Variants in PDZRN3 observed in about 807,000 individuals in gnomAD.
The protein encoded by PDZRN3 is PDZ domain containing ring finger 3.
A neutral mutation model predicts 85.7 loss-of-function variants in PDZRN3; 38 were observed. That is an observed-to-expected ratio of 0.44 (90% CI 0.34 to 0.58). The LOEUF is 0.58. PDZRN3 is among the 20% of genes least tolerant of loss of function. The probability of loss-of-function intolerance (pLI) is 0.01; values close to 1 mark genes in which losing one functional copy is unlikely to be tolerated. For missense variants in PDZRN3, 1,629 were observed against 1,506.4 expected (o/e 1.08, Z -1.35); for synonymous variants, 759 against 638.0 (o/e 1.19, Z -2.86).
chr3:73,476,910 T>A (rs188423541), intron 3 of PDZRN3, among the ~76,000 whole-genome samples: 1 of 152,316 alleles, frequency 6.6e-6, no homozygotes, highest in East Asian at 1.9e-4. Context: ...CAGCTAAGTG[T>A]CTTCCAGGTT....
At chr3:73,419,226 G>A in intron 3 of PDZRN3, among the ~76,000 whole-genome samples, 1 of 152,326 alleles carries the variant, frequency 6.6e-6, no homozygotes, top group Admixed American at 6.5e-5. Context: ...TTTTCAGAGA[G>A]AGAGAGGGGA....
chr3:73,492,174 G>C lies in PDZRN3; in HGVS notation c.919-87779C>G, dbSNP rs1436377152. 2.6e-5 allele frequency among the ~76,000 whole-genome samples: 4 copies of C among 152,126 alleles called. No individual in the cohort carries two copies. The East Asian group carries it at 7.7e-4, about 29-fold the overall frequency. On this transcript the variant is annotated intron_variant, in intron 3 of 9. Transcript: ENST00000263666. ...CAGGCCCCCAAACCAATTTCAAGGGGCCTCTGAAATTTCTAAATTGGTTTC... is the reference window on the plus strand; with the variant it reads ...CAGGCCCCCAAACCAATTTCAAGGGCCCTCTGAAATTTCTAAATTGGTTTC...
At chr3:73,553,775 A>C (rs537949753) in intron 3 of PDZRN3, among the ~76,000 whole-genome samples, 1 of 152,276 alleles carries the variant, frequency 6.6e-6, no homozygotes, top group Admixed American at 6.5e-5. Context: ...CCAAGGTGAC[A>C]GGGAGTACCT....
At chr3:73,469,489 G>C (rs915035886) in intron 3 of PDZRN3, among the ~76,000 whole-genome samples, 1 of 152,184 alleles carries the variant, frequency 6.6e-6, no homozygotes, top group African/African-American at 2.4e-5. Context: ...GCATGCTCTT[G>C]GGGATGGCTC....
At chr3:73,460,174 C>T (rs1219224335) in intron 3 of PDZRN3, among the ~76,000 whole-genome samples, 1 of 152,014 alleles carries the variant, frequency 6.6e-6, no homozygotes, top group African/African-American at 2.4e-5. Flanking sequence ...TTCTAAGCAA[C>T]TAAAAGTTTG....
intron 3 of PDZRN3, among the ~76,000 whole-genome samples, chr3:73,562,318 A>G (rs1701835905): frequency 4.6e-5 from 7 of 152,172 alleles, no homozygotes; most frequent in Admixed American, 4.6e-4. Flanking sequence ...TGTAATATAG[A>G]TAGTGTTTTG....
At chr3:73,446,533 G>C (rs1702751376) in intron 3 of PDZRN3, among the ~76,000 whole-genome samples, 1 of 152,064 alleles carries the variant, frequency 6.6e-6, no homozygotes, top group Non-Finnish European at 1.5e-5. Flanking sequence ...ACAAAAACCT[G>C]AAAAAATTAT....
Position 73,471,300 on chromosome 3 carries a change from T to TC in PDZRN3, c.919-66906dup, listed in dbSNP as rs144927540. Among the ~76,000 whole-genome samples, 1,171 of 149,934 alleles carry TC rather than the reference T, an allele frequency of 7.8e-3. 12 individuals are homozygous for TC. Among genetic ancestry groups the TC allele is most frequent in the African/African-American group, 0.026 (1,066 of 40,732 alleles). ...GCAGCTAGGAAGAAGCAAAAAAAGG[T>TC]CCCCCCCCAGGTTTCACAAGGAACG... is the stretch of plus-strand genomic sequence containing the variant. On this transcript the variant is annotated intron_variant, in intron 3 of 9. Coordinates refer to ENST00000263666, the MANE Select transcript of PDZRN3 (RefSeq NM_015009.3).
chr3:73,542,269 C>T (rs1471946560), intron 3 of PDZRN3, among the ~76,000 whole-genome samples: 1 of 152,128 alleles, frequency 6.6e-6, no homozygotes, highest in Admixed American at 6.5e-5. Flanking sequence ...CAGAAAGCAA[C>T]AGGTAACCAG....
intron 3 of PDZRN3, among the ~76,000 whole-genome samples, chr3:73,483,857 T>C (rs1264989080): frequency 6.6e-6 from 1 of 152,168 alleles, no homozygotes; most frequent in East Asian, 1.9e-4. Flanking sequence ...AAAAAGGCTG[T>C]GAAGGGCCTT....
chr3:73,423,928 C>T lies in PDZRN3; in HGVS notation c.919-19533G>A, dbSNP rs916469609. ...AATGTTACAATGAATGCCTGTTAAA[C>T]CTACCAACCACAGAGGGAAACTGGC... On this transcript the variant is annotated intron_variant, in intron 3 of 9. Transcript: ENST00000263666. Among the ~76,000 whole-genome samples the T allele has an allele frequency of 1.2e-4, 18 of 152,200 alleles. No homozygotes were observed. In the East Asian group the frequency reaches 3.5e-3, roughly 29 times the overall value.
intron 3 of PDZRN3, among the ~76,000 whole-genome samples, chr3:73,528,885 A>AACACAC (rs56134399): frequency 0.015 from 2,252 of 146,846 alleles, 50 homozygotes; most frequent in African/African-American, 0.047. Context: ...TTTTGTGGGA[A>AACACAC]ACACACACAC....
In PDZRN3 at chr3:73,573,816, CATAT is replaced by C. The variant is rs1559744523; in HGVS notation, c.918+28534_918+28537del. Among the ~76,000 whole-genome samples, 20 of 46,716 alleles carry C rather than the reference CATAT, an allele frequency of 4.3e-4. No individual in the cohort carries two copies. The East Asian group carries it at 4.8e-3, about 11-fold the overall frequency. 30.6% of individuals were successfully genotyped at this position (46,716 alleles called of 152,430 possible). A position where few individuals can be genotyped will look rare whatever the true frequency, so the allele number is the denominator to read the frequency against. ...ACATATACATACACATACACCTATA[CATAT>C]ACATATACATATACATATACATATA... On this transcript the variant is annotated intron_variant, in intron 3 of 9. Coordinates refer to ENST00000263666, the MANE Select transcript of PDZRN3 (RefSeq NM_015009.3).
At chr3:73,460,603 AT>A (rs1225358510) in intron 3 of PDZRN3, among the ~76,000 whole-genome samples, 2 of 152,218 alleles carry the variant, frequency 1.3e-5, no homozygotes, top group East Asian at 3.8e-4. Context: ...CATTTTCTTT[AT>A]GATAACCACA....
chr3:73,383,541 C>T lies in PDZRN3; in HGVS notation c.3025G>A (p.Ala1009Thr), dbSNP rs758744641. 1 of 1,614,222 alleles carries T rather than the reference C, an allele frequency of 6.2e-7. No individual in the cohort carries two copies. The highest frequency in any genetic ancestry group is 8.5e-7 in the Non-Finnish European group (1 of 1,180,034). ...RLDCLKEQQA[A>T]DDRKEMNILE... ...ATGTTCATCTCCTTCCTGTCATCGGCTGCTTGCTGCTCCTTGAGACAATCC... is the reference window on the plus strand; with the variant it reads ...ATGTTCATCTCCTTCCTGTCATCGGTTGCTTGCTGCTCCTTGAGACAATCC... The change falls in exon 10 of 10, where the codon GCC becomes ACC. Residue 1009 changes from alanine (A) to threonine (T), a missense_variant. Ala to Thr is a moderately conservative substitution (Grantham distance 58). Coordinates refer to ENST00000263666, the MANE Select transcript of PDZRN3 (RefSeq NM_015009.3).
intron 1 of PDZRN3, among the ~76,000 whole-genome samples, chr3:73,609,981 G>A (rs1173267509): frequency 1.3e-5 from 2 of 152,124 alleles, no homozygotes; most frequent in African/African-American, 4.8e-5. Context: ...AAAATATTAC[G>A]AAAGATCAAT....
chr3:73,484,729 C>G lies in PDZRN3; in HGVS notation c.919-80334G>C, dbSNP rs146924717. Among the ~76,000 whole-genome samples, 13 of 152,200 alleles carry G rather than the reference C, an allele frequency of 8.5e-5. No individual in the cohort carries two copies. In the East Asian group the frequency reaches 2.5e-3, roughly 29 times the overall value. ...GCTGCTCCTAGTGTGGTCTACAGAC[C>G]AGCAGCACCAGCAACACCCATGAGC... On this transcript the variant is annotated intron_variant, in intron 3 of 9. Transcript: ENST00000263666.
intron 3 of PDZRN3, among the ~76,000 whole-genome samples, chr3:73,595,961 A>G (rs1702425021): frequency 6.6e-6 from 1 of 152,208 alleles, no homozygotes. Flanking sequence ...TGAGCACCCT[A>G]GCACCCATAT....
intron 3 of PDZRN3, among the ~76,000 whole-genome samples, chr3:73,535,943 T>G (rs1704775068): frequency 6.6e-6 from 1 of 152,234 alleles, no homozygotes; most frequent in Non-Finnish European, 1.5e-5. Context: ...ATTTGGGGTT[T>G]CTCTGTAATT....
Sources: allele counts gnomAD v4.1 joint callset (sites outside exome capture counted in the v4.1 genomes callset), GRCh38; gene constraint gnomAD v4.1.1; transcripts MANE v1.5; gene names NCBI Gene and HGNC (gene_info 2026-07-23, HGNC 2026-07-21).